ERBB2: variants seen among roughly 807,000 people sequenced by gnomAD.
The protein encoded by ERBB2 is receptor tyrosine-protein kinase erbB-2.
ERBB2 carries 61 observed loss-of-function variants against 149.0 expected under a neutral mutation model. The observed-to-expected ratio is 0.41, with a 90% CI of 0.33 to 0.51. The LOEUF is 0.51. ERBB2 is among the 20% of genes least tolerant of loss of function. The pLI is 0.25. For missense variants in ERBB2, 1,205 were observed against 1,655.1 expected (o/e 0.73, Z 4.72); for synonymous variants, 633 against 678.8 (o/e 0.93, Z 1.05).
At position 39,717,954 on chromosome 17, in the gene ERBB2, C is replaced by T. The variant is rs139364311; in HGVS notation, c.1898+474C>T. On this transcript the variant is annotated intron_variant, in intron 15 of 26. Coordinates refer to ENST00000269571, the MANE Select transcript of ERBB2 (RefSeq NM_004448.4). ...TCCGCCTCCTGAGTAGCTGGGATTA[C>T]GGGAACGTGCTACCTTGCCTGGCTA... 2.8e-3 allele frequency among the ~76,000 whole-genome samples: 430 copies of T among 152,226 alleles called. 1 individual carries two copies. Among genetic ancestry groups the T allele is most frequent in the African/African-American group, 9.5e-3 (396 of 41,526 alleles).
At position 39,710,205 on chromosome 17, in the gene ERBB2, T is replaced by C. The variant is rs2058714781; in HGVS notation, c.759+4T>C. 1.2e-6 allele frequency: 2 copies of C among 1,612,300 alleles called. No homozygotes were observed. The highest frequency in any genetic ancestry group is 1.7e-6 in the Non-Finnish European group (2 of 1,179,064). On this transcript the variant is annotated splice_donor_region_variant and intron_variant, in intron 6 of 26. Transcript: ENST00000269571. Reference sequence around the variant, plus strand: ...CCCCAAGCACTCTGACTGCCTGGTATGTGCCTCTGCTTTGTGCCCAATGTG... The same window carrying C: ...CCCCAAGCACTCTGACTGCCTGGTACGTGCCTCTGCTTTGTGCCCAATGTG...
Position 39,715,221 on chromosome 17 carries a change from GC to G in ERBB2, c.1149-63del. On this transcript the variant is annotated intron_variant, in intron 9 of 26. Coordinates refer to ENST00000269571, the MANE Select transcript of ERBB2 (RefSeq NM_004448.4). The stretch of plus-strand genomic sequence containing the variant: ...TTCATGGTGGGGAGTGGCTGGCATG[GC>G]CAGTGCTGGGAGTGATGTCCACCCT... The G allele has an allele frequency of 4.4e-6, 6 of 1,372,654 alleles. No individual in the cohort carries two copies. In the South Asian group the frequency reaches 5.9e-5, roughly 14 times the overall value. The allele number at this position is 1,372,654 out of a possible 1,614,324, so 85.0% of individuals were successfully genotyped here.
Position 39,700,321 on chromosome 17 carries a change from G to C in ERBB2, c.73+10G>C, listed in dbSNP as rs1246124296. 1 of 1,386,538 alleles carries C rather than the reference G, an allele frequency of 7.2e-7. No individual in the cohort carries two copies. Among genetic ancestry groups the C allele is most frequent in the Admixed American group, 3.1e-5 (1 of 31,958 alleles). 85.9% of individuals were successfully genotyped at this position (1,386,538 alleles called of 1,614,324 possible). On this transcript the variant is annotated intron_variant, in intron 1 of 26. Transcript: ENST00000269571. ...GCCGCGAGCACCCAAGGTGGGTCTG[G>C]TGTGGGGAGGGGACGGAGCAGCGGC... is the stretch of plus-strand genomic sequence containing the variant.
At chr17:39,716,227 A>C (rs2059116202) in intron 12 of ERBB2, 74 bp from the exon 13 acceptor site, 1 of 1,477,030 alleles carries the variant, frequency 6.8e-7, no homozygotes, top group Non-Finnish European at 9.0e-7. Context: ...CCATGCCCAC[A>C]GCCAGTTCCC....
intron 16 of ERBB2, among the ~76,000 whole-genome samples, chr17:39,720,992 C>G (rs1300850314): frequency 1.3e-5 from 2 of 152,076 alleles, no homozygotes; most frequent in Non-Finnish European, 2.9e-5. Flanking sequence ...GGGTCTTGCT[C>G]TCTTGTCCAG....
chr17:39,698,260 A>AT (rs200013520), upstream of ERBB2, among the ~76,000 whole-genome samples: 400 of 140,252 alleles, frequency 2.9e-3, 4 homozygotes, highest in Middle Eastern at 0.015. Context: ...TAGAGTCAAG[A>AT]TTTTTTTTTT....
In ERBB2 at chr17:39,724,825, T is replaced by C. The variant is rs866679558; in HGVS notation, c.2407T>C (p.Tyr803His). Residue 803 changes from tyrosine (Y) to histidine (H), a missense_variant, in exon 20 of 27, where the codon TAT becomes CAT. Transcript: ENST00000269571. ...TVQLVTQLMP[Y>H]GCLLDHVREN... Reference sequence around the variant, plus strand: ...GCAGCTGGTGACACAGCTTATGCCCTATGGCTGCCTCTTAGACCATGTCCG... The same window carrying C: ...GCAGCTGGTGACACAGCTTATGCCCCATGGCTGCCTCTTAGACCATGTCCG... 6.2e-7 allele frequency: 1 copy of C among 1,614,238 alleles called. No individual in the cohort carries two copies. The highest frequency in any genetic ancestry group is 8.5e-7 in the Non-Finnish European group (1 of 1,180,044).
rs200497646 is a variant in ERBB2 at position 39,715,792 on chromosome 17, C to A, written c.1366C>A (p.Arg456Ser). 1 of 1,609,464 alleles carries A rather than the reference C, an allele frequency of 6.2e-7. No homozygotes were observed. The change falls in exon 12 of 27, where the codon CGC (arginine) becomes AGC (serine). Residue 456 changes from arginine (R) to serine (S), a missense_variant. By Grantham distance (110) the Arg-to-Ser change is moderately radical. Around this residue, in one of 6 missense-constraint regions of ERBB2, gnomAD observed 569 missense variants for 803.5 expected, o/e 0.71. Transcript: ENST00000269571. ...GCTGGGCATCAGCTGGCTGGGGCTG[C>A]GCTCACTGAGGGAACTGGGCAGTGG... is the stretch of plus-strand genomic sequence containing the variant. ...QGLGISWLGL[R>S]SLRELGSGLA... is the part of the protein sequence containing the mutation.
intron 19 of ERBB2, among the ~76,000 whole-genome samples, chr17:39,724,343 T>C (rs1454592452): frequency 6.9e-6 from 1 of 145,504 alleles, no homozygotes; most frequent in Non-Finnish European, 1.5e-5. Context: ...CGGTCTCAGC[T>C]CAGCCTCCCA....
chr17:39,691,556 A>AAAAAAAAAAAAATATATATAT (rs573116217), upstream of ERBB2, among the ~76,000 whole-genome samples: 21 of 84,176 alleles, frequency 2.5e-4, 1 homozygote, highest in African/African-American at 1.0e-3. Context: ...TAAAAAAAAA[A>AAAAAAAAAAAAATATATATAT]ATATATATAT....
intron 7 of ERBB2, 69 bp downstream of exon 7, chr17:39,710,550 A>T (rs1356228168): frequency 6.4e-7 from 1 of 1,557,040 alleles, no homozygotes; most frequent in Non-Finnish European, 8.8e-7. Context: ...ATGGGAGCAT[A>T]TGGGGAGCAC....
chr17:39,710,323 G>C lies in ERBB2; in HGVS notation c.760-17G>C, dbSNP rs2145515408. Reference sequence around the variant, plus strand: ...GGGCAAAACAGCACAGTGAAAGCCAGCCACCTGTCCCCCCAGGCCTGCCTC... The same window carrying C: ...GGGCAAAACAGCACAGTGAAAGCCACCCACCTGTCCCCCCAGGCCTGCCTC... On this transcript the variant is annotated splice_polypyrimidine_tract_variant and intron_variant, in intron 6 of 26. Coordinates refer to ENST00000269571, the MANE Select transcript of ERBB2 (RefSeq NM_004448.4). 1 of 1,613,978 alleles carries C rather than the reference G, an allele frequency of 6.2e-7. No individual in the cohort carries two copies. Among genetic ancestry groups the C allele is most frequent in the South Asian group, 1.1e-5 (1 of 91,080 alleles).
chr17:39,712,534 C>T (rs575525028), intron 9 of ERBB2, 86 bp downstream of exon 9: 2 of 1,504,394 alleles, frequency 1.3e-6, no homozygotes, highest in Non-Finnish European at 1.8e-6. Flanking sequence ...TTGGGGATGG[C>T]AGGAGACAGA....
At chr17:39,721,390 T>G (rs892469579) in intron 16 of ERBB2, among the ~76,000 whole-genome samples, 3 of 150,940 alleles carry the variant, frequency 2.0e-5, no homozygotes, top group African/African-American at 7.3e-5. Flanking sequence ...TCCTCCTGTC[T>G]CAGCCCCCCA....
chr17:39,725,144 CT>C lies in ERBB2; in HGVS notation c.2591del (p.Phe864SerfsTer47). ...KSPNHVKITD[F>X]GLARLLDIDE... Reference sequence around the variant, plus strand: ...GTCCCAACCATGTCAAAATTACAGACTTCGGGCTGGCTCGGCTGCTGGACAT... The same window carrying C: ...GTCCCAACCATGTCAAAATTACAGACTCGGGCTGGCTCGGCTGCTGGACAT... On this transcript the variant is annotated frameshift_variant, in exon 21 of 27. Transcript: ENST00000269571. LOFTEE classifies it high-confidence loss of function. The surrounding 1 kb of genome is among the most constrained non-coding windows in gnomAD (Gnocchi z 4.6). 5 of 1,614,152 alleles carry C rather than the reference CT, an allele frequency of 3.1e-6. No individual in the cohort carries two copies. Among genetic ancestry groups the C allele is most frequent in the Non-Finnish European group, 4.2e-6 (5 of 1,180,032 alleles).
upstream of ERBB2, among the ~76,000 whole-genome samples, chr17:39,692,580 T>A (rs1357039275): frequency 1.3e-5 from 2 of 151,918 alleles, no homozygotes; most frequent in Non-Finnish European, 2.9e-5. Context: ...TAATTTTGTA[T>A]TTTTAGTAAA....
chr17:39,700,190 CCCAGCCGGGT>C lies in ERBB2; in HGVS notation c.-40_-31del. 7.2e-7 allele frequency: 1 copy of C among 1,389,994 alleles called. No homozygotes were observed. Among genetic ancestry groups the C allele is most frequent in the East Asian group, 3.1e-5 (1 of 32,770 alleles). The allele number at this position is 1,389,994 out of a possible 1,614,324, so 86.1% of individuals were successfully genotyped here. A position where few individuals can be genotyped will look rare whatever the true frequency, so the allele number is the denominator to read the frequency against. ...CGCAGCACCCCGCGCCCCGCGCCCT[CCCAGCCGGGT>C]CCAGCCGGAGCCATGGGGCCGGAGC... On this transcript the variant is annotated 5_prime_UTR_variant, in exon 1 of 27. Transcript: ENST00000269571.
At chr17:39,698,621 G>A (rs980403057), upstream of ERBB2, among the ~76,000 whole-genome samples, 1 of 136,478 alleles carries the variant, frequency 7.3e-6, no homozygotes, top group Non-Finnish European at 1.7e-5. Context: ...AACTCCCTAG[G>A]ATGGCATAGC....
In ERBB2 at chr17:39,712,323, G is replaced by C. The variant is rs2145575063; in HGVS notation, c.1023G>C (p.Val341=). Residue 341 remains valine (V), a splice_region_variant and synonymous_variant, in exon 9 of 27, where the codon GTG becomes GTC. Coordinates refer to ENST00000269571, the MANE Select transcript of ERBB2 (RefSeq NM_004448.4). Reference sequence around the variant, plus strand: ...CCCCACCCACCCCCACCTCCTCAGTGTGCTATGGTCTGGGCATGGAGCACT... The same window carrying C: ...CCCCACCCACCCCCACCTCCTCAGTCTGCTATGGTCTGGGCATGGAGCACT... The part of the protein sequence containing the change: ...CEKCSKPCAR[V]CYGLGMEHLR... 2 of 1,599,956 alleles carry C rather than the reference G, an allele frequency of 1.3e-6. No individual in the cohort carries two copies. The highest frequency in any genetic ancestry group is 1.7e-6 in the Non-Finnish European group (2 of 1,167,560).
Sources: allele counts gnomAD v4.1 joint callset (sites outside exome capture counted in the v4.1 genomes callset), GRCh38; gene constraint gnomAD v4.1.1; regional missense constraint gnomAD v4.1.1; non-coding constraint Gnocchi (gnomAD v3.1); transcripts MANE v1.5; gene names NCBI Gene and HGNC (gene_info 2026-07-23, HGNC 2026-07-21).